VPS36: variants seen among roughly 807,000 people sequenced by gnomAD.
VPS36 encodes the protein vacuolar protein-sorting-associated protein 36.
A neutral mutation model predicts 63.5 loss-of-function variants in VPS36; 31 were observed. The ratio of observed to expected loss-of-function variants is 0.49; its 90% CI spans 0.37 to 0.66. The LOEUF is 0.66. Among genes scored for constraint, VPS36 ranks in the 30% least tolerant of loss-of-function variants. The probability of loss-of-function intolerance (pLI) is 0.00; values close to 1 mark genes in which losing one functional copy is unlikely to be tolerated. For missense variants in VPS36, 338 were observed against 463.7 expected (o/e 0.73, Z 2.49); for synonymous variants, 138 against 157.2 (o/e 0.88, Z 0.91).
intron 4 of VPS36, 54 bp downstream of exon 4, chr13:52,436,218 AACACACACACACACACAC>A (rs150816705): frequency 1.2e-5 from 8 of 642,934 alleles, no homozygotes; most frequent in Admixed American, 5.6e-5. Context: ...AACAAGCCAC[AACACACACACACACACAC>A]ACACACACAC....
In VPS36 at chr13:52,415,790, C is replaced by A; in HGVS notation, c.*40G>T. On this transcript the variant is annotated 3_prime_UTR_variant, in exon 14 of 14. Transcript: ENST00000378060. Reference sequence around the variant, plus strand: ...TCAATGTCATACAACCTCTACATGACGCAAGCATATGGACAAAAAGGATTT... The same window carrying A: ...TCAATGTCATACAACCTCTACATGAAGCAAGCATATGGACAAAAAGGATTT... 1.3e-6 allele frequency: 2 copies of A among 1,588,054 alleles called. No homozygotes were observed. Among genetic ancestry groups the A allele is most frequent in the Non-Finnish European group, 8.6e-7 (1 of 1,158,932 alleles).
intron 9 of VPS36, among the ~76,000 whole-genome samples, chr13:52,425,348 G>T (rs990964037): frequency 6.6e-6 from 1 of 151,898 alleles, no homozygotes; most frequent in Non-Finnish European, 1.5e-5. Flanking sequence ...GATTATAGTT[G>T]TATTTAAAGG....
chr13:52,427,465 G>A (rs1448208785), intron 6 of VPS36, among the ~76,000 whole-genome samples: 1 of 152,158 alleles, frequency 6.6e-6, no homozygotes, highest in Non-Finnish European at 1.5e-5. Context: ...AAATTAGCCG[G>A]GCGTGGTGGC....
rs143704039 is a variant in VPS36, at chr13:52,432,152, C to T, written c.528+1510G>A. 5.4e-3 allele frequency among the ~76,000 whole-genome samples: 821 copies of T among 152,210 alleles called. 2 individuals carry two copies. The highest frequency in any genetic ancestry group is 0.018 in the African/African-American group (757 of 41,530). Reference sequence around the variant, plus strand: ...GGATCACGAGGTCAGAAGATTAAGACCATCCTGTCTAACATGGTGAAACCC... The same window carrying T: ...GGATCACGAGGTCAGAAGATTAAGATCATCCTGTCTAACATGGTGAAACCC... On this transcript the variant is annotated intron_variant, in intron 6 of 13. Coordinates refer to ENST00000378060, the MANE Select transcript of VPS36 (RefSeq NM_016075.4).
chr13:52,443,582 A>G (rs1958303670), intron 1 of VPS36, among the ~76,000 whole-genome samples: 1 of 152,204 alleles, frequency 6.6e-6, no homozygotes, highest in African/African-American at 2.4e-5. Context: ...TAGACTTCCC[A>G]GTCTCCAGAA....
chr13:52,448,109 G>A (rs1435509628), intron 1 of VPS36, among the ~76,000 whole-genome samples: 1 of 152,204 alleles, frequency 6.6e-6, no homozygotes, highest in Non-Finnish European at 1.5e-5. Flanking sequence ...GGATGAGCAA[G>A]GCACACCTTC....
intron 5 of VPS36, among the ~76,000 whole-genome samples, chr13:52,434,374 T>G (rs1183649561): frequency 6.6e-6 from 1 of 152,196 alleles, no homozygotes; most frequent in African/African-American, 2.4e-5. Context: ...TTTTTCTTTT[T>G]TTGAGACGGA....
chr13:52,433,040 A>G (rs1266786866), intron 6 of VPS36, among the ~76,000 whole-genome samples: 1 of 152,228 alleles, frequency 6.6e-6, no homozygotes, highest in Non-Finnish European at 1.5e-5. Flanking sequence ...TTATATAAAC[A>G]TGGAAAAACC....
At chr13:52,449,917 T>G in intron 1 of VPS36, 1 of 985,460 alleles carries the variant, frequency 1.0e-6, no homozygotes, top group Non-Finnish European at 1.2e-6. Flanking sequence ...GGCATTCCAA[T>G]GAAGCACTGA....
intron 12 of VPS36, 122 bp downstream of exon 12, chr13:52,416,935 G>T: frequency 1.3e-6 from 1 of 747,704 alleles, no homozygotes. Flanking sequence ...TTTTTATTTG[G>T]GTGTGTGAAT....
chr13:52,442,489 A>G (rs1240468110), intron 1 of VPS36, 44 bp from the exon 2 acceptor site: 1 of 1,537,574 alleles, frequency 6.5e-7, no homozygotes, highest in Admixed American at 2.0e-5. Flanking sequence ...CATATCACTC[A>G]TTGTGGTTCC....
At chr13:52,416,454 G>A (rs1169949270) in intron 12 of VPS36, 3 of 189,232 alleles carry the variant, frequency 1.6e-5, no homozygotes, top group African/African-American at 4.7e-5. Flanking sequence ...TTACATATGG[G>A]TTTAGTTTAA....
chr13:52,427,086 G>A lies in VPS36; in HGVS notation c.562-20C>T. ...CTTAGCCTGTCAAATAAAAAGTAAA[G>A]ACTGAAAAGCACTATTGTCCCCAAA... On this transcript the variant is annotated intron_variant, in intron 7 of 13. Coordinates refer to ENST00000378060, the MANE Select transcript of VPS36 (RefSeq NM_016075.4). 2 of 1,605,334 alleles carry A rather than the reference G, an allele frequency of 1.2e-6. No homozygotes were observed. The highest frequency in any genetic ancestry group is 8.5e-7 in the Non-Finnish European group (1 of 1,175,316).
chr13:52,416,876 C>A (rs1312936615), intron 12 of VPS36, among the ~76,000 whole-genome samples, 181 bp downstream of exon 12: 1 of 152,188 alleles, frequency 6.6e-6, no homozygotes, highest in African/African-American at 2.4e-5. Context: ...TCAAAAAGCT[C>A]TTAATGTATG....
chr13:52,439,543 TAAC>T (rs1958253259), intron 2 of VPS36, among the ~76,000 whole-genome samples: 1 of 152,116 alleles, frequency 6.6e-6, no homozygotes, highest in South Asian at 2.1e-4. Context: ...CCTCCTGGGT[TAAC>T]ACCATTCTCC....
In VPS36 at chr13:52,424,001, G is replaced by A. The variant is rs540541225; in HGVS notation, c.775-362C>T. On this transcript the variant is annotated intron_variant, in intron 9 of 13. Coordinates refer to ENST00000378060, the MANE Select transcript of VPS36 (RefSeq NM_016075.4). ...GCCTCCTGAGTAGCTGGCACTACAG[G>A]CATGCACCACCACACCCAGCTAATT... Among the ~76,000 whole-genome samples the A allele has an allele frequency of 1.8e-3, 276 of 152,114 alleles. 2 individuals are homozygous for A. Among genetic ancestry groups the A allele is most frequent in the African/African-American group, 6.2e-3 (258 of 41,480 alleles).
intron 9 of VPS36, among the ~76,000 whole-genome samples, chr13:52,424,561 C>T (rs957934288): frequency 9.2e-5 from 14 of 152,264 alleles, no homozygotes; most frequent in African/African-American, 3.1e-4. Flanking sequence ...AGGAAACACA[C>T]GGTGGGGTGG....
intron 1 of VPS36, among the ~76,000 whole-genome samples, chr13:52,445,280 T>A (rs1958325696): frequency 6.6e-6 from 1 of 152,220 alleles, no homozygotes; most frequent in African/African-American, 2.4e-5. Flanking sequence ...CAATATTTTT[T>A]AAATCTCTTC....
chr13:52,444,195 C>T (rs563378615), intron 1 of VPS36, among the ~76,000 whole-genome samples: 4 of 152,304 alleles, frequency 2.6e-5, no homozygotes, highest in South Asian at 4.1e-4. Context: ...CCATGGCTCA[C>T]GCCTATAATC....
Sources: allele counts gnomAD v4.1 joint callset (sites outside exome capture counted in the v4.1 genomes callset), GRCh38; gene constraint gnomAD v4.1.1; transcripts MANE v1.5; gene names NCBI Gene and HGNC (gene_info 2026-07-23, HGNC 2026-07-21).